BBX: variants seen among roughly 807,000 people sequenced by gnomAD.
BBX encodes the protein BBX high mobility group box domain containing, also known as HMG box transcription factor BBX.
In BBX, 30 loss-of-function variants were observed where a neutral mutation model predicts 100.2. The ratio of observed to expected loss-of-function variants is 0.30; its 90% CI spans 0.22 to 0.41. The LOEUF is 0.41. BBX is among the 10% of genes least tolerant of loss of function. The pLI, the probability that BBX is intolerant of heterozygous loss-of-function variation, is 1.00. For synonymous variants in BBX, 376 were observed against 388.1 expected (o/e 0.97, Z 0.37); for missense variants, 1,023 against 1,129.8 (o/e 0.91, Z 1.35).
chr3:107,708,450 C>T (rs2061513585), intron 3 of BBX, among the ~76,000 whole-genome samples: 1 of 152,024 alleles, frequency 6.6e-6, no homozygotes, highest in Non-Finnish European at 1.5e-5. Context: ...CTGAGGTGGG[C>T]AGATCACAAG....
intron 17 of BBX, 71 bp downstream of exon 17, chr3:107,801,352 A>AT (rs1292880131): frequency 2.0e-6 from 3 of 1,521,838 alleles, no homozygotes; most frequent in Non-Finnish European, 2.7e-6. Context: ...GATTTGTGAC[A>AT]TTTTTTACAG....
intron 5 of BBX, among the ~76,000 whole-genome samples, chr3:107,727,839 C>G (rs1159185849): frequency 1.3e-5 from 2 of 152,152 alleles, no homozygotes; most frequent in East Asian, 3.9e-4. Flanking sequence ...AAAAGGCAAG[C>G]TTATGGGATT....
At chr3:107,703,913 G>T (rs1423435285) in intron 3 of BBX, among the ~76,000 whole-genome samples, 2 of 152,198 alleles carry the variant, frequency 1.3e-5, no homozygotes, top group Admixed American at 6.5e-5. Context: ...TCCCTTACCA[G>T]CCCCTTAATG....
intron 7 of BBX, among the ~76,000 whole-genome samples, chr3:107,736,390 A>G (rs2063638374): frequency 6.6e-6 from 1 of 152,052 alleles, no homozygotes; most frequent in South Asian, 2.1e-4. Context: ...TCTCTATTAA[A>G]TAGAATGCCC....
chr3:107,712,277 C>T (rs952081940), intron 4 of BBX, among the ~76,000 whole-genome samples: 1 of 152,196 alleles, frequency 6.6e-6, no homozygotes, highest in Admixed American at 6.5e-5. Flanking sequence ...TCTAGGCCTC[C>T]AATCTTAATT....
intron 2 of BBX, among the ~76,000 whole-genome samples, chr3:107,544,743 C>T (rs1006219148): frequency 1.3e-5 from 2 of 150,494 alleles, no homozygotes; most frequent in Non-Finnish European, 2.9e-5. Flanking sequence ...TGGTGGCTCA[C>T]GTCTGTAGTC....
intron 5 of BBX, among the ~76,000 whole-genome samples, chr3:107,725,217 A>T (rs892139807): frequency 6.6e-6 from 1 of 151,952 alleles, no homozygotes; most frequent in Non-Finnish European, 1.5e-5. Context: ...TTTGTCTGTT[A>T]TTGGTGTATA....
intron 2 of BBX, among the ~76,000 whole-genome samples, chr3:107,584,002 T>A (rs1462690207): frequency 2.3e-5 from 2 of 88,452 alleles, no homozygotes; most frequent in Admixed American, 3.7e-4. Context: ...TATTATATTA[T>A]TATATATATT....
chr3:107,702,677 C>T (rs1306608926), intron 3 of BBX, among the ~76,000 whole-genome samples: 1 of 152,066 alleles, frequency 6.6e-6, no homozygotes, highest in Non-Finnish European at 1.5e-5. Context: ...ATACATTGTA[C>T]AGGAAAATGA....
At chr3:107,541,062 C>T (rs975398338) in intron 2 of BBX, among the ~76,000 whole-genome samples, 13 of 152,176 alleles carry the variant, frequency 8.5e-5, no homozygotes, top group East Asian at 5.8e-4. Context: ...AAGCATGCCT[C>T]GTTGGCTCTC....
intron 13 of BBX, among the ~76,000 whole-genome samples, chr3:107,787,241 C>A (rs112466959): frequency 6.6e-6 from 1 of 152,248 alleles, no homozygotes; most frequent in Admixed American, 6.5e-5. Flanking sequence ...GTGATCTACC[C>A]GCTTTGGCCC....
chr3:107,595,718 G>A (rs564277724), intron 2 of BBX, among the ~76,000 whole-genome samples: 3 of 152,256 alleles, frequency 2.0e-5, no homozygotes, highest in African/African-American at 7.2e-5. Context: ...ACCTTACTCA[G>A]CAGTCACTAT....
At chr3:107,573,584 CAG>C (rs1491047059) in intron 2 of BBX, among the ~76,000 whole-genome samples, 1 of 151,998 alleles carries the variant, frequency 6.6e-6, no homozygotes, top group Non-Finnish European at 1.5e-5. Context: ...AACAAACAAA[CAG>C]TGTTTGTTAA....
Position 107,774,865 on chromosome 3 carries a change from C to T in BBX, c.2054+8C>T, listed in dbSNP as rs1195340439. The T allele has an allele frequency of 1.2e-6, 2 of 1,612,248 alleles. No individual in the cohort carries two copies. The highest frequency in any genetic ancestry group is 1.7e-6 in the Non-Finnish European group (2 of 1,179,038). ...AGAAGACTGTCTCCTTGGGTAAGTG[C>T]CTGTGAGCACAGTCACCTGTACTCC... On this transcript the variant is annotated splice_region_variant and intron_variant, in intron 12 of 17. Transcript: ENST00000325805.
At chr3:107,705,987 A>T (rs985698951) in intron 3 of BBX, among the ~76,000 whole-genome samples, 3 of 146,388 alleles carry the variant, frequency 2.0e-5, no homozygotes, top group African/African-American at 7.6e-5. Flanking sequence ...ATGAAGTCTG[A>T]CCTCAGTAAA....
At chr3:107,792,468 T>A (rs1471531132) in intron 15 of BBX, among the ~76,000 whole-genome samples, 1 of 152,224 alleles carries the variant, frequency 6.6e-6, no homozygotes, top group African/African-American at 2.4e-5. Flanking sequence ...GTTTTTAAGA[T>A]AGCTAGCAAA....
chr3:107,773,238 C>T lies in BBX; in HGVS notation c.1517C>T (p.Thr506Ile). 1 of 1,614,010 alleles carries T rather than the reference C, an allele frequency of 6.2e-7. No individual in the cohort carries two copies. Among genetic ancestry groups the T allele is most frequent in the African/African-American group, 1.3e-5 (1 of 75,004 alleles). The change falls in exon 11 of 18, where the codon ACC becomes ATC. Residue 506 changes from threonine (T) to isoleucine (I), a missense_variant. Around this residue, in one of 9 missense-constraint regions of BBX, gnomAD observed 348 missense variants for 353.2 expected, o/e 0.99. Coordinates refer to ENST00000325805, the MANE Select transcript of BBX (RefSeq NM_001142568.3). The surrounding 1 kb of genome is among the most constrained non-coding windows in gnomAD (Gnocchi z 4.1). Reference sequence around the variant, plus strand: ...TGGGGCATAGAGAAACTTGGAGATACCCCTCGCAAGAAGGTCCGCACATCC... The same window carrying T: ...TGGGGCATAGAGAAACTTGGAGATATCCCTCGCAAGAAGGTCCGCACATCC... ...GDWGIEKLGDTPRKKVRTSSS... is the reference protein window; with the variant it reads ...GDWGIEKLGDIPRKKVRTSSS...
At chr3:107,691,886 A>G (rs955549085) in intron 3 of BBX, among the ~76,000 whole-genome samples, 2 of 152,186 alleles carry the variant, frequency 1.3e-5, no homozygotes, top group Non-Finnish European at 2.9e-5. Context: ...TAAACACTAT[A>G]CTACTTAAAA....
At chr3:107,618,709 C>T (rs2055495360) in intron 2 of BBX, among the ~76,000 whole-genome samples, 1 of 151,822 alleles carries the variant, frequency 6.6e-6, no homozygotes, top group East Asian at 1.9e-4. Context: ...TGTTTTCTTT[C>T]TGTTACTATT....
Sources: allele counts gnomAD v4.1 joint callset (sites outside exome capture counted in the v4.1 genomes callset), GRCh38; gene constraint gnomAD v4.1.1; regional missense constraint gnomAD v4.1.1; non-coding constraint Gnocchi (gnomAD v3.1); transcripts MANE v1.5; gene names NCBI Gene and HGNC (gene_info 2026-07-23, HGNC 2026-07-21).